CLSTN2: variants seen among roughly 807,000 people sequenced by gnomAD.
The protein encoded by CLSTN2 is calsyntenin-2.
Under a neutral mutation model 101.2 loss-of-function variants are expected in CLSTN2, and 48 were observed. That is an observed-to-expected ratio of 0.47 (90% CI 0.38 to 0.60). CLSTN2 has a LOEUF of 0.60. Among genes scored for constraint, CLSTN2 ranks in the 20% least tolerant of loss-of-function variants. The pLI, the probability that CLSTN2 is intolerant of heterozygous loss-of-function variation, is 0.00. For synonymous variants in CLSTN2, 481 were observed against 463.6 expected (o/e 1.04, Z -0.48); for missense variants, 1,160 against 1,238.2 (o/e 0.94, Z 0.95).
intron 1 of CLSTN2, among the ~76,000 whole-genome samples, chr3:140,134,933 A>G (rs1039454499): frequency 8.6e-5 from 13 of 151,878 alleles, no homozygotes; most frequent in Non-Finnish European, 1.9e-4. Context: ...TGGAAAGGTG[A>G]CTATATGAAC....
intron 2 of CLSTN2, among the ~76,000 whole-genome samples, chr3:140,351,840 A>T (rs936586214): frequency 2.0e-5 from 3 of 151,890 alleles, no homozygotes. Context: ...CAGCAAGTGC[A>T]AAGGCATTGA....
In CLSTN2 at chr3:140,574,373, G is replaced by A. The variant is rs1301854223; in HGVS notation, c.*8120G>A. The A allele has an allele frequency of 6.6e-6, 1 of 152,220 alleles. No homozygotes were observed. The highest frequency in any genetic ancestry group is 2.4e-5 in the African/African-American group (1 of 41,448). The allele number at this position is 152,220 out of a possible 1,614,324, so 9.4% of individuals were successfully genotyped here. A position where few individuals can be genotyped will look rare whatever the true frequency, so the allele number is the denominator to read the frequency against. ...TCAGTAAATGGAGCCCCTAAGCAAG[G>A]AGCAGGGGTAGATGTGCCTGGGTGA... On this transcript the variant is annotated 3_prime_UTR_variant, in exon 17 of 17. Coordinates refer to ENST00000458420, the MANE Select transcript of CLSTN2 (RefSeq NM_022131.3).
At chr3:139,987,920 T>TGACGA (rs1468428775) in intron 1 of CLSTN2, among the ~76,000 whole-genome samples, 2 of 152,258 alleles carry the variant, frequency 1.3e-5, no homozygotes, top group East Asian at 3.9e-4. Context: ...CAAACCACAG[T>TGACGA]GACGAGACAA....
At chr3:140,332,686 T>G (rs937437274) in intron 2 of CLSTN2, among the ~76,000 whole-genome samples, 7 of 142,284 alleles carry the variant, frequency 4.9e-5, no homozygotes, top group Non-Finnish European at 7.8e-5. Context: ...GTATGCTTGT[T>G]TTTTCTTTTC....
At chr3:140,099,473 A>G (rs1238612029) in intron 1 of CLSTN2, among the ~76,000 whole-genome samples, 1 of 152,114 alleles carries the variant, frequency 6.6e-6, no homozygotes, top group African/African-American at 2.4e-5. Flanking sequence ...GCCAGCTTGG[A>G]TAATCCAGGA....
At chr3:140,306,848 T>TTATTA (rs2087118469) in intron 2 of CLSTN2, among the ~76,000 whole-genome samples, 10 of 141,968 alleles carry the variant, frequency 7.0e-5, no homozygotes, top group Non-Finnish European at 1.5e-4. Flanking sequence ...TTTTTGTCTT[T>TTATTA]TTATTATTAT....
At chr3:140,451,437 G>A (rs1933248782) in intron 6 of CLSTN2, among the ~76,000 whole-genome samples, 1 of 152,182 alleles carries the variant, frequency 6.6e-6, no homozygotes, top group African/African-American at 2.4e-5. Context: ...GTTGGGAGCT[G>A]CCCTTTGAAG....
At chr3:140,489,035 T>G (rs187550387) in intron 8 of CLSTN2, among the ~76,000 whole-genome samples, 154 of 152,234 alleles carry the variant, frequency 1.0e-3, no homozygotes, top group African/African-American at 3.5e-3. Flanking sequence ...TTGAAAAACA[T>G]AAATTAGTTT....
At chr3:140,258,881 A>G (rs2086625793) in intron 2 of CLSTN2, among the ~76,000 whole-genome samples, 2 of 152,198 alleles carry the variant, frequency 1.3e-5, no homozygotes, top group Admixed American at 1.3e-4. Flanking sequence ...TTTATTTTCA[A>G]AACCTGTTTA....
intron 2 of CLSTN2, among the ~76,000 whole-genome samples, chr3:140,307,025 G>T (rs1044571410): frequency 1.9e-4 from 29 of 151,916 alleles, no homozygotes; most frequent in Non-Finnish European, 2.6e-4. Flanking sequence ...TTCCAGTGTT[G>T]TTCTCATGAT....
intron 1 of CLSTN2, among the ~76,000 whole-genome samples, chr3:140,135,147 TATATATATATATATAA>T (rs2009595551): frequency 1.5e-5 from 2 of 136,418 alleles, no homozygotes; most frequent in African/African-American, 5.8e-5. Context: ...TATATATATA[TATATATATATATATAA>T]AATATGCTGG....
intron 1 of CLSTN2, among the ~76,000 whole-genome samples, chr3:140,172,208 C>T (rs979267183): frequency 3.7e-5 from 5 of 134,706 alleles, no homozygotes; most frequent in Admixed American, 9.5e-5. Flanking sequence ...TATATCCAGA[C>T]TTCTGTGAGG....
At chr3:140,381,292 C>T (rs760042752) in intron 2 of CLSTN2, among the ~76,000 whole-genome samples, 4 of 152,110 alleles carry the variant, frequency 2.6e-5, no homozygotes, top group Non-Finnish European at 4.4e-5. Flanking sequence ...TTAGAGCCCA[C>T]CCTAGTGACT....
At chr3:140,538,942 AAAGC>A in intron 9 of CLSTN2, among the ~76,000 whole-genome samples, 1 of 152,354 alleles carries the variant, frequency 6.6e-6, no homozygotes, top group South Asian at 2.1e-4. Context: ...GTACTCCAGT[AAAGC>A]AATCTGTTTG....
At chr3:140,533,432 G>A (rs1462808834) in intron 9 of CLSTN2, among the ~76,000 whole-genome samples, 9 of 152,118 alleles carry the variant, frequency 5.9e-5, no homozygotes, top group East Asian at 5.8e-4. Flanking sequence ...TATGCCGGCC[G>A]TGCACAGTGG....
intron 1 of CLSTN2, among the ~76,000 whole-genome samples, chr3:140,170,742 G>T (rs2010198105): frequency 6.6e-6 from 1 of 152,184 alleles, no homozygotes; most frequent in Admixed American, 6.5e-5. Flanking sequence ...CCAGCAAGCA[G>T]GGTGGTAAGT....
chr3:140,415,486 C>CAAA (rs751616049), intron 4 of CLSTN2, among the ~76,000 whole-genome samples: 774 of 56,560 alleles, frequency 0.014, 7 homozygotes, highest in Middle Eastern at 0.05. Flanking sequence ...CACAAAATAG[C>CAAA]AAAAAAAAAA....
intron 2 of CLSTN2, among the ~76,000 whole-genome samples, chr3:140,243,844 G>GT (rs928730954): frequency 1.2e-4 from 19 of 152,206 alleles, no homozygotes. Flanking sequence ...CATGCTTAGA[G>GT]TTTATCTCCC....
intron 1 of CLSTN2, among the ~76,000 whole-genome samples, chr3:140,172,170 T>C (rs1451428878): frequency 6.6e-6 from 1 of 151,090 alleles, no homozygotes; most frequent in African/African-American, 2.4e-5. Flanking sequence ...CCCTCTAACC[T>C]GTTATTTTGA....
Sources: gnomAD v4.1 joint callset for allele counts (sites outside exome capture counted in the v4.1 genomes callset) on GRCh38, gnomAD v4.1.1 for gene constraint, MANE v1.5 for transcripts, NCBI Gene and HGNC (gene_info 2026-07-23, HGNC 2026-07-21) for gene names.